Variants in MTHFS observed in about 807,000 individuals in gnomAD.
MTHFS encodes the protein methenyltetrahydrofolate synthetase.
A neutral mutation model predicts 12.7 loss-of-function variants in MTHFS; 7 were observed. The observed-to-expected ratio is 0.55, with a 90% confidence interval of 0.31 to 1.03. MTHFS has a LOEUF of 1.03. Among genes scored for constraint, MTHFS ranks in the 50% least tolerant of loss-of-function variants. The pLI is 0.05. For synonymous variants in MTHFS, 100 were observed against 97.1 expected (o/e 1.03, Z -0.18); for missense variants, 252 against 258.1 (o/e 0.98, Z 0.16).
intron 2 of MTHFS, among the ~76,000 whole-genome samples, chr15:79,848,416 A>G (rs1223792978): frequency 6.6e-6 from 1 of 152,196 alleles, no homozygotes. Flanking sequence ...AGTTCTAGAG[A>G]TCTGCTGTAC....
At chr15:79,859,010 C>T (rs1236167781) in intron 2 of MTHFS, among the ~76,000 whole-genome samples, 1 of 152,140 alleles carries the variant, frequency 6.6e-6, no homozygotes, top group African/African-American at 2.4e-5. Context: ...TAACAATATA[C>T]TTAACAGGAC....
intron 2 of MTHFS, among the ~76,000 whole-genome samples, chr15:79,865,854 G>A (rs1305783539): frequency 3.9e-5 from 6 of 152,128 alleles, no homozygotes; most frequent in Admixed American, 2.6e-4. Flanking sequence ...TCTCCCCTCA[G>A]TTTACTGCAT....
chr15:79,888,524 G>A (rs2034417820), intron 2 of MTHFS, among the ~76,000 whole-genome samples: 1 of 152,232 alleles, frequency 6.6e-6, no homozygotes, highest in Non-Finnish European at 1.5e-5. Flanking sequence ...AGGAATGCAG[G>A]CAAGAGGAGA....
At chr15:79,861,774 T>C (rs909325589) in intron 2 of MTHFS, among the ~76,000 whole-genome samples, 4 of 152,216 alleles carry the variant, frequency 2.6e-5, no homozygotes, top group African/African-American at 9.6e-5. Context: ...TAAATCTATA[T>C]GTGTTGCTAT....
chr15:79,853,100 T>C, intron 2 of MTHFS, among the ~76,000 whole-genome samples: 1 of 152,190 alleles, frequency 6.6e-6, no homozygotes, highest in Non-Finnish European at 1.5e-5. Context: ...CTACCCATAA[T>C]ACAGGTTCAC....
chr15:79,888,959 G>T, intron 2 of MTHFS, 134 bp downstream of exon 2: 1 of 1,364,450 alleles, frequency 7.3e-7, no homozygotes, highest in Non-Finnish European at 9.8e-7. Flanking sequence ...TAATACAGGT[G>T]TCTTGGAACG....
In MTHFS at chr15:79,866,820, G is replaced by A. The variant is rs183340968; in HGVS notation, c.380-21378C>T. Among the ~76,000 whole-genome samples the A allele has an allele frequency of 1.4e-4, 22 of 152,206 alleles. No homozygotes were observed. In the East Asian group the frequency reaches 4.3e-3, roughly 29 times the overall value. On this transcript the variant is annotated intron_variant, in intron 2 of 2. Coordinates refer to ENST00000258874, the MANE Select transcript of MTHFS (RefSeq NM_006441.4). Reference sequence around the variant, plus strand: ...ACAAAAAAGTTAGCTGGGCATGGTGGTGGCAGGCACCTGTAGTCCCAGTTA... The same window carrying A: ...ACAAAAAAGTTAGCTGGGCATGGTGATGGCAGGCACCTGTAGTCCCAGTTA...
intron 2 of MTHFS, among the ~76,000 whole-genome samples, chr15:79,875,557 C>T (rs1480644189): frequency 6.6e-6 from 1 of 152,108 alleles, no homozygotes; most frequent in Non-Finnish European, 1.5e-5. Flanking sequence ...CCAACTTATA[C>T]CATTTACAAC....
intron 2 of MTHFS, chr15:79,877,743 A>C (rs113083245): frequency 2.0e-5 from 3 of 152,172 alleles, no homozygotes; most frequent in African/African-American, 7.2e-5. Flanking sequence ...CATCAGAGTC[A>C]AACTGCTGAA....
rs538506108 is a variant in MTHFS at position 79,870,730 on chromosome 15, C to T, written c.379+18363G>A. On this transcript the variant is annotated intron_variant, in intron 2 of 2. Transcript: ENST00000258874. Reference sequence around the variant, plus strand: ...TCAGTTTAAATGACTCTTCTCTATACTCTATAATATAGTAAGAAAATAATC... The same window carrying T: ...TCAGTTTAAATGACTCTTCTCTATATTCTATAATATAGTAAGAAAATAATC... Among the ~76,000 whole-genome samples, 63 of 152,272 alleles carry T rather than the reference C, an allele frequency of 4.1e-4. No individual in the cohort carries two copies. The Middle Eastern group carries it at 0.01, about 25-fold the overall frequency.
intron 2 of MTHFS, among the ~76,000 whole-genome samples, chr15:79,847,607 C>T (rs1193273712): frequency 1.3e-5 from 2 of 150,690 alleles, no homozygotes; most frequent in African/African-American, 4.9e-5. Flanking sequence ...TGGTGTGAAC[C>T]CGGGAGGTGG....
intron 1 of MTHFS, among the ~76,000 whole-genome samples, chr15:79,893,623 G>A (rs769310344): frequency 5.3e-5 from 8 of 151,266 alleles, no homozygotes; most frequent in South Asian, 2.1e-4. Context: ...GCATGAACCC[G>A]GGAAGCAGAG....
chr15:79,863,286 C>G (rs921317442), intron 2 of MTHFS, among the ~76,000 whole-genome samples: 1 of 152,198 alleles, frequency 6.6e-6, no homozygotes, highest in East Asian at 1.9e-4. Context: ...TTGGGACAGC[C>G]TGTCCTCCTT....
chr15:79,862,486 T>C (rs1016252697), intron 2 of MTHFS, among the ~76,000 whole-genome samples: 1 of 152,218 alleles, frequency 6.6e-6, no homozygotes, highest in Non-Finnish European at 1.5e-5. Flanking sequence ...AGGACAATTC[T>C]TGTATTTCTA....
intron 2 of MTHFS, among the ~76,000 whole-genome samples, chr15:79,864,380 A>G (rs982233522): frequency 2.0e-5 from 3 of 151,824 alleles, no homozygotes; most frequent in Non-Finnish European, 4.4e-5. Flanking sequence ...CCCCATATCT[A>G]CTAAAAATAC....
chr15:79,858,015 CAAA>C (rs71453466), intron 2 of MTHFS, among the ~76,000 whole-genome samples: 4 of 59,506 alleles, frequency 6.7e-5, no homozygotes, highest in Admixed American at 6.0e-4. Flanking sequence ...GACTCCATCT[CAAA>C]AAAAAAAAAA....
At chr15:79,894,855 T>G (rs1301341343) in intron 1 of MTHFS, among the ~76,000 whole-genome samples, 1 of 152,136 alleles carries the variant, frequency 6.6e-6, no homozygotes, top group Non-Finnish European at 1.5e-5. Flanking sequence ...TTTGCCTCCT[T>G]TCCCCTCATC....
At chr15:79,861,643 T>C (rs2033915756) in intron 2 of MTHFS, among the ~76,000 whole-genome samples, 1 of 152,254 alleles carries the variant, frequency 6.6e-6, no homozygotes, top group African/African-American at 2.4e-5. Flanking sequence ...TATCAGGATG[T>C]TCTTTTTTAT....
intron 2 of MTHFS, among the ~76,000 whole-genome samples, 200 bp downstream of exon 2, chr15:79,888,893 C>T (rs2034425841): frequency 6.6e-6 from 1 of 152,162 alleles, no homozygotes; most frequent in Admixed American, 6.5e-5. Context: ...GAGAAGTCAA[C>T]AATATTATTC....
Sources: gnomAD v4.1 joint callset for allele counts (sites outside exome capture counted in the v4.1 genomes callset) on GRCh38, gnomAD v4.1.1 for gene constraint, MANE v1.5 for transcripts, NCBI Gene and HGNC (gene_info 2026-07-23, HGNC 2026-07-21) for gene names.